The following KDM5A variants were observed in gnomAD, a reference collection of about 807,000 sequenced individuals.
KDM5A encodes the protein lysine-specific demethylase 5A.
KDM5A carries 42 observed loss-of-function variants against 193.5 expected under a neutral mutation model. The observed-to-expected ratio is 0.22, with a 90% CI of 0.17 to 0.28. The LOEUF (loss-of-function observed/expected upper bound fraction) is 0.28. KDM5A is among the 10% of genes least tolerant of loss of function. The pLI is 1.00. For synonymous variants in KDM5A, 796 were observed against 718.1 expected (o/e 1.11, Z -1.73); for missense variants, 1,692 against 2,055.1 (o/e 0.82, Z 3.42).
chr12:317,438 T>C (rs1049166368), intron 19 of KDM5A, among the ~76,000 whole-genome samples: 4 of 152,216 alleles, frequency 2.6e-5, no homozygotes, highest in Admixed American at 6.5e-5. Context: ...TCGGTTAACA[T>C]TAATAAGGTA....
In KDM5A at chr12:376,090, A is replaced by G. The variant is rs186262478; in HGVS notation, c.366+7941T>C. On this transcript the variant is annotated intron_variant, in intron 3 of 27. Transcript: ENST00000399788. Reference sequence around the variant, plus strand: ...TCTCAAACTCCATGCTGGGAGAACCACTGCTCTCTTCAAGGCTGTCAGACA... The same window carrying G: ...TCTCAAACTCCATGCTGGGAGAACCGCTGCTCTCTTCAAGGCTGTCAGACA... Among the ~76,000 whole-genome samples the G allele has an allele frequency of 2.7e-4, 41 of 152,244 alleles. No individual in the cohort carries two copies. In the East Asian group the frequency reaches 5.4e-3, roughly 20 times the overall value.
chr12:312,167 GTTT>G (rs894024764), intron 20 of KDM5A, among the ~76,000 whole-genome samples: 1 of 152,136 alleles, frequency 6.6e-6, no homozygotes, highest in Non-Finnish European at 1.5e-5. Flanking sequence ...CTGCTTAACG[GTTT>G]TTATGATTCG....
At chr12:348,151 A>G (rs1156257544) in intron 10 of KDM5A, among the ~76,000 whole-genome samples, 3 of 152,246 alleles carry the variant, frequency 2.0e-5, no homozygotes, top group Admixed American at 6.5e-5. Context: ...CAGCCAACAG[A>G]CACATGAAAA....
At chr12:319,472 A>C (rs1943690086) in intron 18 of KDM5A, among the ~76,000 whole-genome samples, 1 of 152,218 alleles carries the variant, frequency 6.6e-6, no homozygotes, top group Non-Finnish European at 1.5e-5. Flanking sequence ...GGTTCATTAA[A>C]AGGCGTGGTG....
chr12:333,175 T>C (rs1363971012), intron 12 of KDM5A: 1 of 392,848 alleles, frequency 2.5e-6, no homozygotes, highest in Non-Finnish European at 4.8e-6. Context: ...TCCCAACACT[T>C]TGGGAGGCCG....
At chr12:382,059 C>A (rs1004517543) in intron 3 of KDM5A, among the ~76,000 whole-genome samples, 3 of 152,188 alleles carry the variant, frequency 2.0e-5, no homozygotes, top group African/African-American at 7.2e-5. Context: ...AATCCTTCCA[C>A]CTCAGCCTCC....
At chr12:286,358 T>C (rs975496484) in intron 27 of KDM5A, among the ~76,000 whole-genome samples, 2 of 152,210 alleles carry the variant, frequency 1.3e-5, no homozygotes, top group East Asian at 1.9e-4. Flanking sequence ...TTGACCCTTC[T>C]GACAATACTG....
At chr12:377,929 G>T (rs543149434) in intron 3 of KDM5A, among the ~76,000 whole-genome samples, 2 of 152,276 alleles carry the variant, frequency 1.3e-5, no homozygotes, top group South Asian at 4.1e-4. Flanking sequence ...ATGGGTAGAA[G>T]CATACTGAGA....
At chr12:358,514 G>C (rs116985215) in intron 5 of KDM5A, among the ~76,000 whole-genome samples, 1 of 152,158 alleles carries the variant, frequency 6.6e-6, no homozygotes, top group Non-Finnish European at 1.5e-5. Context: ...TGAGTAAATA[G>C]TATATGCCAT....
At chr12:301,217 CACA>C (rs1943436887) in intron 24 of KDM5A, among the ~76,000 whole-genome samples, 1 of 152,060 alleles carries the variant, frequency 6.6e-6, no homozygotes, top group Admixed American at 6.5e-5. Flanking sequence ...CCGGCAGAGA[CACA>C]ACAAAAAAAG....
At chr12:313,479 A>G (rs1943614786) in intron 19 of KDM5A, among the ~76,000 whole-genome samples, 1 of 152,198 alleles carries the variant, frequency 6.6e-6, no homozygotes, top group South Asian at 2.1e-4. Context: ...CATTTAGTGT[A>G]ATAAAGGACA....
At position 389,262 on chromosome 12, in the gene KDM5A, G is replaced by C; in HGVS notation, c.-171C>G. 1.3e-6 allele frequency: 1 copy of C among 747,996 alleles called. No homozygotes were observed. Among genetic ancestry groups the C allele is most frequent in the Non-Finnish European group, 2.4e-6 (1 of 423,344 alleles). The allele number at this position is 747,996 out of a possible 1,614,324, so 46.3% of individuals were successfully genotyped here. A position where few individuals can be genotyped will look rare whatever the true frequency, so the allele number is the denominator to read the frequency against. On this transcript the variant is annotated 5_prime_UTR_variant, in exon 1 of 28. Coordinates refer to ENST00000399788, the MANE Select transcript of KDM5A (RefSeq NM_001042603.3). Reference sequence around the variant, plus strand: ...TCGCTTCCTCCTCCCGTTTGTTATTGTTTCTTGCAAGGCTTTTCCACTGAG... The same window carrying C: ...TCGCTTCCTCCTCCCGTTTGTTATTCTTTCTTGCAAGGCTTTTCCACTGAG...
chr12:355,191 C>G lies in KDM5A; in HGVS notation c.837G>C (p.Met279Ile), dbSNP rs1445712907. Residue 279 changes from methionine (M) to isoleucine (I), a missense_variant, in exon 7 of 28, where the codon ATG (methionine) becomes ATC (isoleucine). Met to Ile is a conservative substitution (Grantham distance 10). Around this residue, in one of 11 missense-constraint regions of KDM5A, gnomAD observed 134 missense variants for 124.2 expected, o/e 1.08. Coordinates refer to ENST00000399788, the MANE Select transcript of KDM5A (RefSeq NM_001042603.3). The stretch of plus-strand genomic sequence containing the variant: ...CAGAGAGAGTGCCTTTCCGTTGTCT[C>G]ATTTGCATGTTAAATGCGTCTGACC... ...TNRSDAFNMQ[M>I]RQRKGTLSVN... 6.2e-7 allele frequency: 1 copy of G among 1,612,230 alleles called. No homozygotes were observed. Among genetic ancestry groups the G allele is most frequent in the Admixed American group, 1.7e-5 (1 of 60,016 alleles).
intron 4 of KDM5A, among the ~76,000 whole-genome samples, chr12:364,283 C>T (rs575682346): frequency 7.9e-5 from 12 of 151,966 alleles, no homozygotes; most frequent in Admixed American, 1.3e-4. Context: ...ACCAGCCTGG[C>T]CAACATGATG....
chr12:343,531 C>T (rs1433604589), intron 10 of KDM5A, among the ~76,000 whole-genome samples: 1 of 152,162 alleles, frequency 6.6e-6, no homozygotes, highest in African/African-American at 2.4e-5. Flanking sequence ...TTCATATAGA[C>T]AGCTGCCACT....
At position 389,079 on chromosome 12, in the gene KDM5A, C is replaced by A. The variant is rs2137508454; in HGVS notation, c.13G>T (p.Gly5Trp). The A allele has an allele frequency of 1.2e-6, 2 of 1,607,140 alleles. No individual in the cohort carries two copies. Among genetic ancestry groups the A allele is most frequent in the East Asian group, 2.2e-5 (1 of 44,604 alleles). The part of the protein sequence containing the change: MAGV[G>W]PGGYAAEFVP... ...AACTCCGCCGCGTAGCCCCCCGGCC[C>A]CACGCCCGCCATTGCAACGGCCGGG... is the stretch of plus-strand genomic sequence containing the variant. Residue 5 changes from glycine (G) to tryptophan (W), a missense_variant, in exon 1 of 28, where the codon GGG becomes TGG. Around this residue, in one of 11 missense-constraint regions of KDM5A, gnomAD observed 84 missense variants for 68.2 expected, o/e 1.23. Transcript: ENST00000399788.
intron 3 of KDM5A, among the ~76,000 whole-genome samples, chr12:382,141 A>G (rs118026516): frequency 0.016 from 2,483 of 152,234 alleles, 31 homozygotes; most frequent in East Asian, 0.065. Context: ...TTACAAGTGA[A>G]ATCTTCCTGG....
intron 10 of KDM5A, among the ~76,000 whole-genome samples, chr12:350,376 C>T (rs546634493): frequency 1.2e-4 from 17 of 141,938 alleles, no homozygotes; most frequent in East Asian, 2.1e-4. Flanking sequence ...GTGGAGGTTG[C>T]GGTGAGCTAA....
In KDM5A at chr12:307,734, C is replaced by A. The variant is rs377384081; in HGVS notation, c.3650G>T (p.Arg1217Leu). 6.2e-7 allele frequency: 1 copy of A among 1,614,018 alleles called. No homozygotes were observed. Among genetic ancestry groups the A allele is most frequent in the Non-Finnish European group, 8.5e-7 (1 of 1,180,038 alleles). ...AGTCTCTAGCCTGGGCCTTCGAGACCGCATACAAAGAGGGCAAAGGAATTT... is the reference window on the plus strand; with the variant it reads ...AGTCTCTAGCCTGGGCCTTCGAGACAGCATACAAAGAGGGCAAAGGAATTT... ...EVKFLCPLCM[R>L]SRRPRLETIL... is the part of the protein sequence containing the mutation. The change falls in exon 23 of 28, where the codon CGG (arginine) becomes CTG (leucine). Residue 1217 changes from arginine (R) to leucine (L), a missense_variant. Arg to Leu is a moderately radical substitution (Grantham distance 102, BLOSUM62 -2). Around this residue, in one of 11 missense-constraint regions of KDM5A, gnomAD observed 965 missense variants for 1,061.0 expected, o/e 0.91. Coordinates refer to ENST00000399788, the MANE Select transcript of KDM5A (RefSeq NM_001042603.3). This position sits in a 1 kb window ranked among gnomAD's most constrained non-coding sequence, Gnocchi z 4.3.
Sources: allele counts gnomAD v4.1 joint callset (sites outside exome capture counted in the v4.1 genomes callset), GRCh38; gene constraint gnomAD v4.1.1; regional missense constraint gnomAD v4.1.1; non-coding constraint Gnocchi (gnomAD v3.1); transcripts MANE v1.5; gene names NCBI Gene and HGNC (gene_info 2026-07-23, HGNC 2026-07-21).